The following SEMA3A variants were observed in gnomAD, a reference collection of about 807,000 sequenced individuals.
SEMA3A encodes semaphorin 3A.
In SEMA3A, 29 loss-of-function variants were observed where a neutral mutation model predicts 97.9. The ratio of observed to expected loss-of-function variants is 0.30; its 90% CI spans 0.22 to 0.40. The LOEUF (loss-of-function observed/expected upper bound fraction) is 0.40. SEMA3A is among the 10% of genes least tolerant of loss of function. The pLI, the probability that SEMA3A is intolerant of heterozygous loss-of-function variation, is 1.00. For synonymous variants in SEMA3A, 321 were observed against 323.7 expected (o/e 0.99, Z 0.09); for missense variants, 763 against 951.3 (o/e 0.80, Z 2.60).
At chr7:84,402,221 G>C (rs147219135) in intron 1 of SEMA3A, among the ~76,000 whole-genome samples, 1 of 152,044 alleles carries the variant, frequency 6.6e-6, no homozygotes, top group South Asian at 2.1e-4. Flanking sequence ...TCTTAAAATC[G>C]ACACCACGGC....
chr7:84,320,056 T>C (rs1801608999), intron 2 of SEMA3A, among the ~76,000 whole-genome samples: 1 of 152,146 alleles, frequency 6.6e-6, no homozygotes, highest in Admixed American at 6.5e-5. Flanking sequence ...GTTGAATCAC[T>C]TCTCTGTTAC....
chr7:84,230,240 G>A (rs916751835), intron 3 of SEMA3A, among the ~76,000 whole-genome samples: 4 of 151,178 alleles, frequency 2.6e-5, no homozygotes, highest in Non-Finnish European at 5.9e-5. Context: ...ACTTTTTATC[G>A]AGGTTTTATC....
At chr7:84,266,774 T>C (rs1800016589) in intron 3 of SEMA3A, among the ~76,000 whole-genome samples, 1 of 152,130 alleles carries the variant, frequency 6.6e-6, no homozygotes, top group Non-Finnish European at 1.5e-5. Flanking sequence ...GTTATGAATA[T>C]TATGCACAAG....
chr7:84,423,553 T>C (rs980378535), intron 1 of SEMA3A, among the ~76,000 whole-genome samples: 4 of 152,092 alleles, frequency 2.6e-5, no homozygotes, highest in East Asian at 3.8e-4. Flanking sequence ...ATTTATTTCC[T>C]ATCTCTGTAA....
At chr7:84,198,112 C>T (rs918588962), upstream of SEMA3A, among the ~76,000 whole-genome samples, 1 of 152,190 alleles carries the variant, frequency 6.6e-6, no homozygotes, top group African/African-American at 2.4e-5. Flanking sequence ...TGACACCATA[C>T]ACCATAACCA....
At chr7:84,423,437 C>G (rs1028539882) in intron 1 of SEMA3A, among the ~76,000 whole-genome samples, 1 of 152,066 alleles carries the variant, frequency 6.6e-6, no homozygotes, top group Admixed American at 6.6e-5. Context: ...AGTCACTGCA[C>G]ATAACCTGGA....
At chr7:84,358,734 A>T (rs906988743) in intron 2 of SEMA3A, among the ~76,000 whole-genome samples, 1 of 151,976 alleles carries the variant, frequency 6.6e-6, no homozygotes, top group African/African-American at 2.4e-5. Context: ...GGGCAGTATG[A>T]CCATTTTCAC....
intron 1 of SEMA3A, among the ~76,000 whole-genome samples, chr7:84,190,707 TATATATATATGTATATATATA>T (rs1179414132): frequency 3.4e-5 from 5 of 147,478 alleles, no homozygotes; most frequent in African/African-American, 1.2e-4. Context: ...CTATTATTTA[TATATATATATGTATATATATA>T]ATATATATAC....
intron 2 of SEMA3A, among the ~76,000 whole-genome samples, chr7:84,334,274 G>A (rs955502200): frequency 2.0e-5 from 3 of 151,774 alleles, no homozygotes; most frequent in African/African-American, 7.3e-5. Flanking sequence ...TTTATGTAAT[G>A]AAGATTTCAG....
intron 2 of SEMA3A, among the ~76,000 whole-genome samples, chr7:84,361,504 C>G (rs2522371): frequency 0.29 from 43,638 of 151,848 alleles, 6,748 homozygotes; most frequent in African/African-American, 0.38. Flanking sequence ...ATAAATATAT[C>G]TATCCTTATC....
intron 3 of SEMA3A, among the ~76,000 whole-genome samples, chr7:84,266,456 G>A (rs1242378482): frequency 1.3e-5 from 2 of 151,850 alleles, no homozygotes; most frequent in African/African-American, 2.4e-5. Context: ...CTTTTTTGTG[G>A]GTCTCTAACT....
At chr7:84,055,339 T>C (rs1714283870) in intron 5 of SEMA3A, among the ~76,000 whole-genome samples, 1 of 152,208 alleles carries the variant, frequency 6.6e-6, no homozygotes, top group Admixed American at 6.5e-5. Context: ...CAGACTGCTG[T>C]GCTAGCAATC....
intron 3 of SEMA3A, among the ~76,000 whole-genome samples, chr7:84,298,003 C>T (rs1160947522): frequency 6.6e-6 from 1 of 152,148 alleles, no homozygotes; most frequent in Non-Finnish European, 1.5e-5. Context: ...AAACCTCTTA[C>T]TAAAACTTCT....
At chr7:84,124,836 T>C (rs1009544562) in intron 3 of SEMA3A, among the ~76,000 whole-genome samples, 1 of 151,936 alleles carries the variant, frequency 6.6e-6, no homozygotes, top group African/African-American at 2.4e-5. Flanking sequence ...CATCTTGAAG[T>C]GCACAAAATA....
chr7:84,056,046 C>T (rs10270148), intron 5 of SEMA3A, among the ~76,000 whole-genome samples: 10,399 of 152,164 alleles, frequency 0.068, 1,198 homozygotes, highest in African/African-American at 0.24. Context: ...ACCACATGGG[C>T]AGTTTAACAT....
intron 5 of SEMA3A, among the ~76,000 whole-genome samples, chr7:84,055,427 T>C (rs889699036): frequency 1.3e-5 from 2 of 152,114 alleles, no homozygotes; most frequent in Admixed American, 6.5e-5. Flanking sequence ...TTTAAGCCCG[T>C]CGGAAAAGGG....
intron 1 of SEMA3A, among the ~76,000 whole-genome samples, chr7:84,139,717 T>C (rs1340498954): frequency 2.0e-5 from 3 of 152,094 alleles, no homozygotes; most frequent in African/African-American, 7.2e-5. Flanking sequence ...AATTGTACTC[T>C]CTTGTGATGT....
intron 5 of SEMA3A, among the ~76,000 whole-genome samples, chr7:84,052,902 G>T (rs1233106131): frequency 6.6e-6 from 1 of 151,442 alleles, no homozygotes; most frequent in East Asian, 1.9e-4. Context: ...CAGAGATTCT[G>T]GTATGTTGTG....
intron 2 of SEMA3A, among the ~76,000 whole-genome samples, chr7:84,366,183 C>A (rs751692091): frequency 1.3e-5 from 2 of 151,244 alleles, no homozygotes; most frequent in Non-Finnish European, 3.0e-5. Context: ...TCACTTTACC[C>A]CCTCTGATTT....
Sources: allele counts gnomAD v4.1 joint callset (sites outside exome capture counted in the v4.1 genomes callset), GRCh38; gene constraint gnomAD v4.1.1; transcripts MANE v1.5; gene names NCBI Gene and HGNC (gene_info 2026-07-23, HGNC 2026-07-21).